MDGA2: variants seen among roughly 807,000 people sequenced by gnomAD.
The protein encoded by MDGA2 is MAM domain-containing glycosylphosphatidylinositol anchor protein 2.
Under a neutral mutation model 117.8 loss-of-function variants are expected in MDGA2, and 40 were observed. That is an observed-to-expected ratio of 0.34 (90% CI 0.26 to 0.44). The LOEUF is 0.44. MDGA2 is among the 20% of genes least tolerant of loss of function. The probability of loss-of-function intolerance (pLI) is 1.00; values close to 1 mark genes in which losing one functional copy is unlikely to be tolerated. For synonymous variants in MDGA2, 452 were observed against 439.0 expected, an observed-to-expected ratio of 1.03 and a Z score of -0.37; for missense variants, 1,123 against 1,250.6, an observed-to-expected ratio of 0.90 and a Z score of 1.54.
intron 1 of MDGA2, among the ~76,000 whole-genome samples, chr14:47,597,837 CACACACAT>C (rs1039363908): frequency 9.1e-6 from 1 of 109,980 alleles, no homozygotes; most frequent in Non-Finnish European, 1.8e-5. Context: ...ACGCACACCA[CACACACAT>C]ACACACACAC....
At chr14:47,545,352 C>CCATT (rs1249911159) in intron 1 of MDGA2, among the ~76,000 whole-genome samples, 5 of 152,120 alleles carry the variant, frequency 3.3e-5, no homozygotes. Flanking sequence ...GAGGAAATCT[C>CCATT]CATTTTGTGG....
At chr14:46,925,639 A>G (rs1258994182) in intron 9 of MDGA2, among the ~76,000 whole-genome samples, 3 of 151,422 alleles carry the variant, frequency 2.0e-5, no homozygotes. Flanking sequence ...CTCAAAAAAA[A>G]AAAAAAAAAA....
In MDGA2 at chr14:47,492,426, GA is replaced by G. The variant is rs1894189588; in HGVS notation, c.280+182090del. 2.6e-5 allele frequency among the ~76,000 whole-genome samples: 4 copies of G among 152,072 alleles called. No homozygotes were observed. The South Asian group carries it at 8.3e-4, about 32-fold the overall frequency. ...ATCAGACAGATATCACACTCTCAATGAGTTTATAATGAGTGCTCATTTTATA... is the reference window on the plus strand; with the variant it reads ...ATCAGACAGATATCACACTCTCAATGGTTTATAATGAGTGCTCATTTTATA... On this transcript the variant is annotated intron_variant, in intron 1 of 16. Transcript: ENST00000399232.
intron 2 of MDGA2, among the ~76,000 whole-genome samples, chr14:47,288,195 T>C (rs564966595): frequency 6.6e-6 from 1 of 152,314 alleles, no homozygotes; most frequent in South Asian, 2.1e-4. Flanking sequence ...ACTCCACGGA[T>C]GTTAGCAGAT....
chr14:46,956,648 G>GA lies in MDGA2; in HGVS notation c.2089+725dup, dbSNP rs34551284. On this transcript the variant is annotated intron_variant, in intron 9 of 16. Transcript: ENST00000399232. ...TATCTATTCACATGAGATTTGAATAGAAAAAAAAAAATGTTTGCAACTTGA... is the reference window on the plus strand; with the variant it reads ...TATCTATTCACATGAGATTTGAATAGAAAAAAAAAAAATGTTTGCAACTTGA... 7.4e-3 allele frequency among the ~76,000 whole-genome samples: 1,083 copies of GA among 146,368 alleles called. 16 individuals carry two copies. The highest frequency in any genetic ancestry group is 0.021 in the African/African-American group (839 of 40,394).
intron 1 of MDGA2, among the ~76,000 whole-genome samples, chr14:47,417,250 C>T (rs1193044156): frequency 6.6e-6 from 1 of 152,190 alleles, no homozygotes; most frequent in African/African-American, 2.4e-5. Context: ...TCAAGCGAAG[C>T]CAAACCACAC....
intron 9 of MDGA2, among the ~76,000 whole-genome samples, chr14:46,932,737 T>C (rs1042823499): frequency 5.3e-5 from 8 of 151,990 alleles, no homozygotes; most frequent in Non-Finnish European, 8.8e-5. Flanking sequence ...CAGACTGAAA[T>C]AGGTGGGCAA....
chr14:46,876,407 GC>G (rs1184241079), intron 12 of MDGA2, among the ~76,000 whole-genome samples: 2 of 151,310 alleles, frequency 1.3e-5, no homozygotes, highest in Admixed American at 6.6e-5. Flanking sequence ...TAATGATAAC[GC>G]AATGAGCTGT....
intron 3 of MDGA2, among the ~76,000 whole-genome samples, chr14:47,195,950 C>A (rs941186067): frequency 1.3e-5 from 2 of 151,970 alleles, no homozygotes; most frequent in Non-Finnish European, 2.9e-5. Context: ...ATTTGATTTA[C>A]ATTTTAAATA....
At chr14:47,437,138 A>G (rs1379054306) in intron 1 of MDGA2, among the ~76,000 whole-genome samples, 2 of 152,092 alleles carry the variant, frequency 1.3e-5, no homozygotes, top group Non-Finnish European at 2.9e-5. Flanking sequence ...CTCTGTGAGA[A>G]ATAAGGTCAG....
At chr14:47,324,161 C>T (rs1189425612) in intron 1 of MDGA2, among the ~76,000 whole-genome samples, 5 of 152,030 alleles carry the variant, frequency 3.3e-5, no homozygotes, top group African/African-American at 7.2e-5. Flanking sequence ...AAGAGAATGG[C>T]GTGAACCCAG....
chr14:46,896,044 T>C (rs1208819647), intron 10 of MDGA2, among the ~76,000 whole-genome samples: 6 of 152,186 alleles, frequency 3.9e-5, no homozygotes, highest in African/African-American at 9.6e-5. Context: ...TACACTTTGA[T>C]GGATTATTCA....
At chr14:47,560,190 T>C (rs975186435) in intron 1 of MDGA2, among the ~76,000 whole-genome samples, 30 of 151,518 alleles carry the variant, frequency 2.0e-4, no homozygotes, top group African/African-American at 6.3e-4. Context: ...GCGTCAGCCT[T>C]CCGAGTAGCT....
At chr14:47,394,670 T>A (rs191871783) in intron 1 of MDGA2, among the ~76,000 whole-genome samples, 18 of 152,298 alleles carry the variant, frequency 1.2e-4, no homozygotes, top group South Asian at 2.1e-4. Flanking sequence ...ATTGTAACAT[T>A]TTAATTTGAG....
intron 14 of MDGA2, among the ~76,000 whole-genome samples, chr14:46,864,552 T>G (rs1193996590): frequency 5.6e-5 from 2 of 35,614 alleles, no homozygotes; most frequent in African/African-American, 3.6e-4. Flanking sequence ...GCTGTTTTTT[T>G]TTTTTTTTTT....
Position 47,609,428 on chromosome 14 carries a change from C to CACATATATATATATATATATATAT in MDGA2, c.280+65088_280+65089insATATATATATATATATATATATGT, listed in dbSNP as rs1477357010. Among the ~76,000 whole-genome samples the CACATATATATATATATATATATAT allele has an allele frequency of 2.9e-3, 51 of 17,564 alleles. 3 individuals are homozygous for CACATATATATATATATATATATAT. Among genetic ancestry groups the CACATATATATATATATATATATAT allele is most frequent in the Non-Finnish European group, 5.8e-3 (42 of 7,202 alleles). The allele number at this position is 17,564 out of a possible 152,430, so 11.5% of individuals were successfully genotyped here. ...TTTCTATGGCTGAGTAGTATTCCAT[C>CACATATATATATATATATATATAT]ATATATATATATATATATATATATA... On this transcript the variant is annotated intron_variant, in intron 1 of 16. Coordinates refer to ENST00000399232, the MANE Select transcript of MDGA2 (RefSeq NM_001113498.3).
At chr14:46,878,131 C>G (rs1479522936) in intron 11 of MDGA2, among the ~76,000 whole-genome samples, 5 of 151,836 alleles carry the variant, frequency 3.3e-5, no homozygotes, top group Non-Finnish European at 7.4e-5. Flanking sequence ...ATTTTCTGTT[C>G]TGGGGTACCA....
intron 1 of MDGA2, among the ~76,000 whole-genome samples, chr14:47,304,154 G>C (rs558175377): frequency 2.0e-5 from 3 of 152,112 alleles, no homozygotes; most frequent in Non-Finnish European, 4.4e-5. Context: ...GCTGCTCAAC[G>C]ATAATGAGAG....
intron 2 of MDGA2, among the ~76,000 whole-genome samples, chr14:47,268,307 T>G (rs1312399198): frequency 6.6e-6 from 1 of 152,116 alleles, no homozygotes; most frequent in Admixed American, 6.6e-5. Context: ...ACTCCTGACC[T>G]CATGTGATCC....
Sources: gnomAD v4.1 joint callset for allele counts (sites outside exome capture counted in the v4.1 genomes callset) on GRCh38, gnomAD v4.1.1 for gene constraint, MANE v1.5 for transcripts, NCBI Gene and HGNC (gene_info 2026-07-23, HGNC 2026-07-21) for gene names.